The following CHST8 variants were observed in gnomAD, a reference collection of about 807,000 sequenced individuals.
CHST8 encodes carbohydrate sulfotransferase 8, also known as GALNAC-4-ST1.
Under a neutral mutation model 15.0 loss-of-function variants are expected in CHST8, and 10 were observed. That is an observed-to-expected ratio of 0.67 (90% CI 0.41 to 1.13). The LOEUF is 1.13. Ranked by LOEUF, CHST8 falls within the 50% of genes most tolerant of loss-of-function variation. The pLI, the probability that CHST8 is intolerant of heterozygous loss-of-function variation, is 0.00. For missense variants in CHST8, 634 were observed against 608.2 expected (o/e 1.04, Z -0.45); for synonymous variants, 259 against 256.6 (o/e 1.01, Z -0.09).
chr19:33,723,569 C>T (rs901634889), intron 3 of CHST8, among the ~76,000 whole-genome samples: 3 of 152,172 alleles, frequency 2.0e-5, no homozygotes, highest in Admixed American at 2.0e-4. Flanking sequence ...TGGCTGGAAC[C>T]CTGTGCTCAC....
chr19:33,655,187 T>C (rs1166328645), intron 1 of CHST8, among the ~76,000 whole-genome samples: 1 of 152,032 alleles, frequency 6.6e-6, no homozygotes, highest in Admixed American at 6.6e-5. Flanking sequence ...CAGGTGCTTG[T>C]CACCATGCCT....
chr19:33,694,579 T>C (rs11084747), intron 3 of CHST8, among the ~76,000 whole-genome samples: 55,019 of 151,936 alleles, frequency 0.36, 10,386 homozygotes, highest in Middle Eastern at 0.47. Flanking sequence ...AGGCCTCGTA[T>C]TGAGAACTTT....
Position 33,773,207 on chromosome 19 carries a change from G to T in CHST8, c.*144G>T. The stretch of plus-strand genomic sequence containing the variant: ...ATCGCTGTGGGAGGCAGCAGGCCCC[G>T]GGTGGGGGGCAGAGGCGCCCAGCCT... On this transcript the variant is annotated 3_prime_UTR_variant, in exon 5 of 5. Transcript: ENST00000650847. 1 of 995,508 alleles carries T rather than the reference G, an allele frequency of 1.0e-6. No homozygotes were observed. Among genetic ancestry groups the T allele is most frequent in the Non-Finnish European group, 1.4e-6 (1 of 699,672 alleles). 61.7% of individuals were successfully genotyped at this position (995,508 alleles called of 1,614,324 possible). A position where few individuals can be genotyped will look rare whatever the true frequency, so the allele number is the denominator to read the frequency against.
At chr19:33,624,140 G>A (rs1419447409) in intron 1 of CHST8, among the ~76,000 whole-genome samples, 1 of 152,054 alleles carries the variant, frequency 6.6e-6, no homozygotes, top group Non-Finnish European at 1.5e-5. Flanking sequence ...ATGTTTCCCG[G>A]GTATTGATTT....
chr19:33,672,118 G>T (rs557267584), intron 2 of CHST8, among the ~76,000 whole-genome samples: 1 of 152,052 alleles, frequency 6.6e-6, no homozygotes, highest in Non-Finnish European at 1.5e-5. Flanking sequence ...AATCAAACAG[G>T]ATCAAAAAGT....
At chr19:33,672,444 C>T (rs1351334486) in intron 2 of CHST8, among the ~76,000 whole-genome samples, 1 of 152,200 alleles carries the variant, frequency 6.6e-6, no homozygotes, top group Non-Finnish European at 1.5e-5. Context: ...AGTGATCCAA[C>T]TGCCTCGGCC....
At position 33,682,225 on chromosome 19, in the gene CHST8, C is replaced by T. The variant is rs562858897; in HGVS notation, c.-86-6951C>T. 3.6e-5 allele frequency among the ~76,000 whole-genome samples: 5 copies of T among 140,638 alleles called. No homozygotes were observed. In the East Asian group the frequency reaches 6.2e-4, roughly 17 times the overall value. The allele number at this position is 140,638 out of a possible 152,430, so 92.3% of individuals were successfully genotyped here. A position where few individuals can be genotyped will look rare whatever the true frequency, so the allele number is the denominator to read the frequency against. ...TTTTTTTTTTTGAGACAGAGTCTCG[C>T]TCTGTTGCCCTGACTGGAGTGCAGT... On this transcript the variant is annotated intron_variant, in intron 2 of 4. Transcript: ENST00000650847.
chr19:33,639,842 T>A (rs1457693520), intron 1 of CHST8, among the ~76,000 whole-genome samples: 9 of 35,170 alleles, frequency 2.6e-4, no homozygotes, highest in South Asian at 1.6e-3. Context: ...CAAATCAAAT[T>A]TTTTTTTTTT....
At position 33,682,819 on chromosome 19, in the gene CHST8, T is replaced by A. The variant is rs1003488728; in HGVS notation, c.-86-6357T>A. On this transcript the variant is annotated intron_variant, in intron 2 of 4. Coordinates refer to ENST00000650847, the MANE Select transcript of CHST8 (RefSeq NM_001127895.2). Reference sequence around the variant, plus strand: ...TATATTTTAAAGGTTTGGGGATGCATTAGTCCACTTTTGTGTTGCTGTAAA... The same window carrying A: ...TATATTTTAAAGGTTTGGGGATGCAATAGTCCACTTTTGTGTTGCTGTAAA... 3.2e-4 allele frequency among the ~76,000 whole-genome samples: 49 copies of A among 152,354 alleles called. 1 individual carries two copies. Among genetic ancestry groups the A allele is most frequent in the African/African-American group, 1.2e-3 (48 of 41,580 alleles).
At chr19:33,769,560 G>A (rs774030173) in intron 3 of CHST8, among the ~76,000 whole-genome samples, 6 of 152,152 alleles carry the variant, frequency 3.9e-5, no homozygotes, top group African/African-American at 9.7e-5. Flanking sequence ...GAGCTCTGGA[G>A]GCTCGTGCTG....
intron 3 of CHST8, among the ~76,000 whole-genome samples, chr19:33,758,928 G>T (rs34603911): frequency 3.3e-5 from 5 of 152,098 alleles, no homozygotes; most frequent in South Asian, 2.1e-4. Context: ...TTGGCGGGGG[G>T]GGGCGGTGCT....
chr19:33,680,597 T>C (rs982062257), intron 2 of CHST8, among the ~76,000 whole-genome samples: 3 of 152,256 alleles, frequency 2.0e-5, no homozygotes, highest in African/African-American at 4.8e-5. Flanking sequence ...GCTGGAAATA[T>C]GTTGAAATTC....
chr19:33,670,140 A>G (rs889048438), intron 2 of CHST8, among the ~76,000 whole-genome samples: 7 of 152,206 alleles, frequency 4.6e-5, no homozygotes, highest in African/African-American at 1.7e-4. Flanking sequence ...GAAGACTTCA[A>G]CCTTGTTAGC....
intron 3 of CHST8, among the ~76,000 whole-genome samples, chr19:33,730,353 C>T (rs575298605): frequency 1.5e-3 from 225 of 152,336 alleles, no homozygotes; most frequent in Non-Finnish European, 2.2e-3. Flanking sequence ...AAACTAGTTT[C>T]TCTCTCTGTA....
intron 3 of CHST8, among the ~76,000 whole-genome samples, chr19:33,745,393 G>A (rs1041324256): frequency 2.0e-5 from 3 of 152,114 alleles, no homozygotes; most frequent in East Asian, 3.8e-4. Flanking sequence ...ACATTTTAAC[G>A]GAGGCATTAC....
In CHST8 at chr19:33,689,160, C is replaced by T. The variant is rs1973045535; in HGVS notation, c.-86-16C>T. The T allele has an allele frequency of 2.2e-6, 3 of 1,388,630 alleles. No individual in the cohort carries two copies. The highest frequency in any genetic ancestry group is 2.7e-5 in the East Asian group (1 of 37,434). The allele number at this position is 1,388,630 out of a possible 1,614,324, so 86.0% of individuals were successfully genotyped here. A position where few individuals can be genotyped will look rare whatever the true frequency, so the allele number is the denominator to read the frequency against. On this transcript the variant is annotated splice_polypyrimidine_tract_variant and intron_variant, in intron 2 of 4. Transcript: ENST00000650847. ...CCTCGCGCCTCGGTGATGACTATCCCTCCTCTGCCCCGTAGATCTCGGCCT... is the reference window on the plus strand; with the variant it reads ...CCTCGCGCCTCGGTGATGACTATCCTTCCTCTGCCCCGTAGATCTCGGCCT...
At chr19:33,738,737 A>G (rs368606258) in intron 3 of CHST8, among the ~76,000 whole-genome samples, 1 of 152,058 alleles carries the variant, frequency 6.6e-6, no homozygotes, top group East Asian at 1.9e-4. Context: ...TTACAGGCAC[A>G]CACCAGCATG....
chr19:33,737,922 A>AATATG (rs1568349023), intron 3 of CHST8, among the ~76,000 whole-genome samples: 1 of 152,210 alleles, frequency 6.6e-6, no homozygotes, highest in Non-Finnish European at 1.5e-5. Context: ...CATCTTCAGC[A>AATATG]ACAAGTGGTT....
At chr19:33,713,477 AT>A (rs1411585575) in intron 3 of CHST8, among the ~76,000 whole-genome samples, 3 of 151,984 alleles carry the variant, frequency 2.0e-5, no homozygotes, top group African/African-American at 7.3e-5. Flanking sequence ...CAGGGTCTCC[AT>A]TTCTCCTGGG....
Sources: gnomAD v4.1 joint callset for allele counts (sites outside exome capture counted in the v4.1 genomes callset) on GRCh38, gnomAD v4.1.1 for gene constraint, MANE v1.5 for transcripts, NCBI Gene and HGNC (gene_info 2026-07-23, HGNC 2026-07-21) for gene names.